The following MAGI1 variants were observed in gnomAD, a reference collection of about 807,000 sequenced individuals.
MAGI1 encodes the protein membrane-associated guanylate kinase, WW and PDZ domain-containing protein 1.
A neutral mutation model predicts 139.9 loss-of-function variants in MAGI1; 58 were observed. The observed-to-expected ratio is 0.41, with a 90% CI of 0.34 to 0.52. MAGI1 has a LOEUF of 0.52. Among genes scored for constraint, MAGI1 ranks in the 20% least tolerant of loss-of-function variants. MAGI1 has a pLI of 0.12. For synonymous variants in MAGI1, 812 were observed against 737.9 expected, an observed-to-expected ratio of 1.10 and a Z score of -1.63; for missense variants, 1,874 against 1,901.6, an observed-to-expected ratio of 0.99 and a Z score of 0.27.
At chr3:65,955,928 A>G (rs560597736) in intron 1 of MAGI1, among the ~76,000 whole-genome samples, 1 of 152,244 alleles carries the variant, frequency 6.6e-6, no homozygotes, top group South Asian at 2.1e-4. Context: ...CTCTGTGTCA[A>G]AACACAAGCT....
chr3:65,867,396 A>G (rs1462367257), intron 1 of MAGI1, among the ~76,000 whole-genome samples: 1 of 152,210 alleles, frequency 6.6e-6, no homozygotes, highest in Non-Finnish European at 1.5e-5. Flanking sequence ...TAAGCTCCAC[A>G]ACGCTTTTCT....
At chr3:65,470,209 G>T in intron 5 of MAGI1, 74 bp downstream of exon 5, 1 of 987,488 alleles carries the variant, frequency 1.0e-6, no homozygotes, top group South Asian at 1.6e-5. Context: ...ATTTACATTG[G>T]CAACTGCTAG....
chr3:65,991,238 G>A (rs2066153502), intron 1 of MAGI1, among the ~76,000 whole-genome samples: 1 of 140,970 alleles, frequency 7.1e-6, no homozygotes, highest in Non-Finnish European at 1.5e-5. Flanking sequence ...GCAATGAGCT[G>A]AGATCTGCCA....
intron 4 of MAGI1, among the ~76,000 whole-genome samples, chr3:65,472,170 GAAA>G (rs1204194811): frequency 6.6e-6 from 1 of 152,072 alleles, no homozygotes; most frequent in African/African-American, 2.4e-5. Context: ...CAACATAGAA[GAAA>G]AATTTAGAAA....
intron 10 of MAGI1, among the ~76,000 whole-genome samples, chr3:65,431,520 G>A (rs1410912185): frequency 2.0e-5 from 3 of 151,906 alleles, no homozygotes; most frequent in East Asian, 1.9e-4. Context: ...TATAGCCAAC[G>A]CATGCCTAGG....
intron 1 of MAGI1, among the ~76,000 whole-genome samples, chr3:65,739,090 G>T (rs921812518): frequency 6.6e-6 from 1 of 152,188 alleles, no homozygotes; most frequent in Middle Eastern, 3.2e-3. Flanking sequence ...TGTTTCATCC[G>T]CACTGAAAAT....
At chr3:65,661,480 C>T (rs2086183670) in intron 1 of MAGI1, among the ~76,000 whole-genome samples, 1 of 152,148 alleles carries the variant, frequency 6.6e-6, no homozygotes, top group Non-Finnish European at 1.5e-5. Flanking sequence ...GAATAACCAT[C>T]AAGCCCTGCT....
intron 1 of MAGI1, among the ~76,000 whole-genome samples, chr3:65,926,022 C>T (rs1333091778): frequency 6.6e-6 from 1 of 152,150 alleles, no homozygotes; most frequent in Non-Finnish European, 1.5e-5. Flanking sequence ...GAGGTAAATG[C>T]TTTTATCTCC....
At chr3:65,897,891 AG>A (rs199888698) in intron 1 of MAGI1, among the ~76,000 whole-genome samples, 2 of 113,324 alleles carry the variant, frequency 1.8e-5, no homozygotes, top group African/African-American at 3.2e-5. Flanking sequence ...AGAAAGGAAA[AG>A]GGGGGAAAAA....
chr3:65,774,523 G>C (rs181935208), intron 1 of MAGI1, among the ~76,000 whole-genome samples: 61 of 152,240 alleles, frequency 4.0e-4, no homozygotes, highest in Non-Finnish European at 5.7e-4. Flanking sequence ...TTCATAATAA[G>C]TGCTTTCATA....
intron 1 of MAGI1, chr3:65,718,478 T>A (rs538864399): frequency 1.3e-5 from 2 of 152,316 alleles, no homozygotes; most frequent in Non-Finnish European, 2.9e-5. Context: ...CTTTGCTCTA[T>A]CTTTTCCAAT....
chr3:65,448,184 G>A (rs1948790891), intron 6 of MAGI1, 127 bp from the exon 7 acceptor site: 1 of 839,426 alleles, frequency 1.2e-6, no homozygotes, highest in South Asian at 1.4e-5. Flanking sequence ...ATCCTTACCT[G>A]CATTGTGGCT....
intron 1 of MAGI1, among the ~76,000 whole-genome samples, chr3:65,890,708 T>C (rs928157091): frequency 2.6e-5 from 4 of 152,124 alleles, no homozygotes; most frequent in Non-Finnish European, 5.9e-5. Context: ...GAGGTACAAG[T>C]TGAGAACCAC....
intron 1 of MAGI1, among the ~76,000 whole-genome samples, chr3:65,774,494 AG>A (rs1301380726): frequency 6.6e-6 from 1 of 152,166 alleles, no homozygotes; most frequent in Non-Finnish European, 1.5e-5. Context: ...TTGAATGTCC[AG>A]GTTTTGGTGG....
rs140688074 is a variant in MAGI1, at chr3:65,413,763, T to C, written c.2168-12293A>G. Among the ~76,000 whole-genome samples, 820 of 152,184 alleles carry C rather than the reference T, an allele frequency of 5.4e-3. 4 individuals carry two copies. Among genetic ancestry groups the C allele is most frequent in the Non-Finnish European group, 9.5e-3 (646 of 67,988 alleles). On this transcript the variant is annotated intron_variant, in intron 12 of 22. Transcript: ENST00000402939. ...CTTAAAGGCTGAGTACAGGAATCAG[T>C]TTCACCCACATACACCCCAACCCAC...
intron 1 of MAGI1, among the ~76,000 whole-genome samples, chr3:66,010,199 A>C (rs993851367): frequency 6.6e-6 from 1 of 152,162 alleles, no homozygotes; most frequent in Non-Finnish European, 1.5e-5. Flanking sequence ...TGTATTAGTA[A>C]GTCATCACAA....
At chr3:65,571,566 T>A (rs905085091) in intron 2 of MAGI1, among the ~76,000 whole-genome samples, 1 of 152,024 alleles carries the variant, frequency 6.6e-6, no homozygotes, top group African/African-American at 2.4e-5. Context: ...ATAGGTTTAT[T>A]CAGAAAAAGC....
intron 1 of MAGI1, among the ~76,000 whole-genome samples, chr3:65,709,322 G>C (rs1352313728): frequency 1.3e-5 from 2 of 152,028 alleles, no homozygotes; most frequent in African/African-American, 2.4e-5. Flanking sequence ...TTTTTTTCCA[G>C]TCCAATGCTT....
At position 65,545,974 on chromosome 3, in the gene MAGI1, T is replaced by TCA. The variant is rs926687949; in HGVS notation, c.431-52345_431-52344dup. On this transcript the variant is annotated intron_variant, in intron 2 of 22. Transcript: ENST00000402939. ...TACATGGGCATAATGGGGTATGATC[T>TCA]CACACACACACACACACACGCACAC... Among the ~76,000 whole-genome samples the TCA allele has an allele frequency of 5.0e-3, 723 of 146,006 alleles. 4 individuals carry two copies. The highest frequency in any genetic ancestry group is 0.011 in the African/African-American group (440 of 38,816).
Sources: gnomAD v4.1 joint callset for allele counts (sites outside exome capture counted in the v4.1 genomes callset) on GRCh38, gnomAD v4.1.1 for gene constraint, MANE v1.5 for transcripts, NCBI Gene and HGNC (gene_info 2026-07-23, HGNC 2026-07-21) for gene names.